Variants in ZNF573 observed in about 807,000 individuals in gnomAD.
The protein encoded by ZNF573 is zinc finger protein 573.
A neutral mutation model predicts 57.4 loss-of-function variants in ZNF573; 41 were observed. The observed-to-expected ratio is 0.71, with a 90% CI of 0.56 to 0.93. The LOEUF is 0.93. Among genes scored for constraint, ZNF573 ranks in the 40% least tolerant of loss-of-function variants. The pLI is 0.00. For synonymous variants in ZNF573, 249 were observed against 261.0 expected (o/e 0.95, Z 0.44); for missense variants, 730 against 794.8 (o/e 0.92, Z 0.98).
chr19:37,774,080 C>G (rs576091091), intron 1 of ZNF573, among the ~76,000 whole-genome samples: 2 of 151,196 alleles, frequency 1.3e-5, no homozygotes, highest in Non-Finnish European at 2.9e-5. Context: ...CCTTCATTCC[C>G]ACCTTCCAAG....
intron 4 of ZNF573, among the ~76,000 whole-genome samples, chr19:37,762,668 T>C (rs2045563496): frequency 6.6e-6 from 1 of 152,116 alleles, no homozygotes; most frequent in Admixed American, 6.6e-5. Context: ...ATATTTAGGG[T>C]TTCTTTGACT....
chr19:37,758,978 A>T (rs1482286949), intron 4 of ZNF573: 5 of 389,730 alleles, frequency 1.3e-5, no homozygotes, highest in Non-Finnish European at 1.7e-5. Flanking sequence ...ATATATCAAT[A>T]ATAACTAATT....
Position 37,739,474 on chromosome 19 carries a change from T to A in ZNF573, c.1016A>T (p.Tyr339Phe). Residue 339 changes from tyrosine to phenylalanine, a missense_variant, in exon 5 of 5, where the codon TAT becomes TTT. Transcript: ENST00000536220. Reference protein sequence around the residue: ...PYECKECGKGYTTASYFLLHQ... With the variant: ...PYECKECGKGFTTASYFLLHQ... ...TAGAAGAAAGTATGAGGCAGTGGTA[T>A]AGCCCTTCCCACATTCTTTACACTC... The A allele has an allele frequency of 6.2e-7, 1 of 1,614,034 alleles. No homozygotes were observed. The highest frequency in any genetic ancestry group is 8.5e-7 in the Non-Finnish European group (1 of 1,179,986).
intron 4 of ZNF573, among the ~76,000 whole-genome samples, chr19:37,751,119 T>C (rs962033678): frequency 2.9e-5 from 4 of 140,084 alleles, no homozygotes; most frequent in African/African-American, 1.0e-4. Context: ...ACTGTGTATA[T>C]ATACAGTATA....
chr19:37,770,832 T>A (rs865970280), intron 3 of ZNF573, among the ~76,000 whole-genome samples: 2 of 93,730 alleles, frequency 2.1e-5, no homozygotes, highest in Non-Finnish European at 3.6e-5. Flanking sequence ...TTAAGTTATT[T>A]TATATATATA....
intron 2 of ZNF573, among the ~76,000 whole-genome samples, chr19:37,772,008 T>C (rs1262523392): frequency 1.3e-5 from 2 of 152,240 alleles, no homozygotes; most frequent in Non-Finnish European, 1.5e-5. Flanking sequence ...CACAACTACA[T>C]AGTCTGCTAG....
chr19:37,752,474 A>G (rs1186514025), intron 4 of ZNF573, among the ~76,000 whole-genome samples: 2 of 152,172 alleles, frequency 1.3e-5, no homozygotes, highest in African/African-American at 4.8e-5. Context: ...ACTCAAAAAC[A>G]TTATGCTAAG....
intron 1 of ZNF573, among the ~76,000 whole-genome samples, 159 bp downstream of exon 1, chr19:37,779,385 C>T (rs146298804): frequency 3.0e-4 from 45 of 152,280 alleles, no homozygotes; most frequent in Non-Finnish European, 5.0e-4. Flanking sequence ...GCCTGAGATT[C>T]CGATAACAAC....
intron 4 of ZNF573, among the ~76,000 whole-genome samples, chr19:37,762,780 T>C (rs2045564525): frequency 6.6e-6 from 1 of 151,918 alleles, no homozygotes; most frequent in African/African-American, 2.4e-5. Flanking sequence ...CAGTCTTTTT[T>C]TTTTTTTTTG....
At chr19:37,774,096 G>A (rs1482398163) in intron 1 of ZNF573, among the ~76,000 whole-genome samples, 1 of 148,072 alleles carries the variant, frequency 6.8e-6, no homozygotes, top group African/African-American at 2.5e-5. Flanking sequence ...CCAAGGCTGA[G>A]AGAGGACTTA....
rs767953304 is a variant in ZNF573 at position 37,739,596 on chromosome 19, A to T, written c.894T>A (p.Asp298Glu). ...ATTTCTCACATATGTATGGCTTCTC[A>T]TCAGTATGAAACTGCCCATGTTCAA... ...NLVEHGQFHT[D>E]EKPYICEKCG... is the part of the protein sequence containing the mutation. The change falls in exon 5 of 5, where the codon GAT becomes GAA. Residue 298 changes from aspartate (D) to glutamate (E), a missense_variant. Coordinates refer to ENST00000536220, the MANE Select transcript of ZNF573 (RefSeq NM_001172690.2). 6.2e-7 allele frequency: 1 copy of T among 1,614,018 alleles called. No homozygotes were observed. The highest frequency in any genetic ancestry group is 8.5e-7 in the Non-Finnish European group (1 of 1,180,014).
chr19:37,758,970 A>G (rs550729960), intron 4 of ZNF573: 26 of 384,546 alleles, frequency 6.8e-5, no homozygotes, highest in Non-Finnish European at 8.5e-5. Context: ...GCTTTCTAAT[A>G]TATCAATAAT....
In ZNF573 at chr19:37,773,405, T is replaced by C. The variant is rs117842217; in HGVS notation, c.69+256A>G. Among the ~76,000 whole-genome samples the C allele has an allele frequency of 6.4e-3, 977 of 152,310 alleles. 29 individuals are homozygous for C. The highest frequency in any genetic ancestry group is 0.053 in the East Asian group (277 of 5,182). ...AGTTCCCTGTTGAGACTTCACTCCT[T>C]TACTGCTCTATCATAGACTTTGGTT... On this transcript the variant is annotated intron_variant, in intron 2 of 4. Coordinates refer to ENST00000536220, the MANE Select transcript of ZNF573 (RefSeq NM_001172690.2).
intron 4 of ZNF573, among the ~76,000 whole-genome samples, chr19:37,766,819 AAAAT>A (rs1322071555): frequency 6.6e-6 from 1 of 152,210 alleles, no homozygotes; most frequent in Non-Finnish European, 1.5e-5. Context: ...GTCTTGCAAT[AAAAT>A]AAATAAAATA....
Position 37,738,489 on chromosome 19 carries a change from G to A in ZNF573, c.*3C>T, listed in dbSNP as rs752193334. 10 of 1,526,448 alleles carry A rather than the reference G, an allele frequency of 6.6e-6. No homozygotes were observed. The highest frequency in any genetic ancestry group is 7.9e-6 in the Non-Finnish European group (9 of 1,141,062). The allele number at this position is 1,526,448 out of a possible 1,614,324, so 94.6% of individuals were successfully genotyped here. On this transcript the variant is annotated 3_prime_UTR_variant, in exon 5 of 5. Transcript: ENST00000536220. ...GAATGGCGCGCTCGTACTCTTTACG[G>A]TCTTACACTTTTATGCTCCTATGAA...
intron 4 of ZNF573, among the ~76,000 whole-genome samples, chr19:37,756,045 G>A (rs1030057867): frequency 2.6e-5 from 4 of 152,168 alleles, no homozygotes; most frequent in African/African-American, 9.7e-5. Flanking sequence ...GAAGCCTGCA[G>A]GGAAAACAGA....
At chr19:37,778,573 T>A (rs1310732907) in intron 1 of ZNF573, 3 of 151,802 alleles carry the variant, frequency 2.0e-5, no homozygotes, top group Non-Finnish European at 4.4e-5. Context: ...AGATTGGTAT[T>A]AGGACATTCA....
At chr19:37,776,142 T>C (rs2045706862) in intron 1 of ZNF573, among the ~76,000 whole-genome samples, 1 of 151,972 alleles carries the variant, frequency 6.6e-6, no homozygotes, top group South Asian at 2.1e-4. Context: ...AATCCTAAAA[T>C]GCATATGGAA....
At chr19:37,764,705 A>G (rs1599702256) in intron 4 of ZNF573, among the ~76,000 whole-genome samples, 1 of 143,192 alleles carries the variant, frequency 7.0e-6, no homozygotes, top group African/African-American at 2.6e-5. Context: ...CCGGGTTCAC[A>G]CCATTCTCCT....
Sources: gnomAD v4.1 joint callset for allele counts (sites outside exome capture counted in the v4.1 genomes callset) on GRCh38, gnomAD v4.1.1 for gene constraint, MANE v1.5 for transcripts, NCBI Gene and HGNC (gene_info 2026-07-23, HGNC 2026-07-21) for gene names.